Variants in CREB5 observed in about 807,000 individuals in gnomAD.
The protein encoded by CREB5 is cAMP responsive element binding protein 5.
Under a neutral mutation model 57.1 loss-of-function variants are expected in CREB5, and 19 were observed. That is an observed-to-expected ratio of 0.33 (90% CI 0.23 to 0.49). The LOEUF (loss-of-function observed/expected upper bound fraction) is 0.49. Among genes scored for constraint, CREB5 ranks in the 20% least tolerant of loss-of-function variants. The pLI is 0.99. For synonymous variants in CREB5, 238 were observed against 238.3 expected (o/e 1.00, Z 0.01); for missense variants, 579 against 671.6 (o/e 0.86, Z 1.52).
chr7:28,682,608 G>C (rs1448863866), intron 5 of CREB5, among the ~76,000 whole-genome samples: 1 of 150,214 alleles, frequency 6.7e-6, no homozygotes, highest in Non-Finnish European at 1.5e-5. Flanking sequence ...GAAATCTTGG[G>C]TTAAATTTTA....
chr7:28,495,011 T>C lies in CREB5; in HGVS notation c.169+12T>C. On this transcript the variant is annotated intron_variant, in intron 3 of 10. Transcript: ENST00000357727. ...CAATATGTTATCAGGTAAGGAGCCA[T>C]CAGGAAAAGAAGCTTTGGGTGATCA... The C allele has an allele frequency of 1.3e-6, 2 of 1,573,942 alleles. No homozygotes were observed.
intron 5 of CREB5, among the ~76,000 whole-genome samples, chr7:28,696,615 A>T (rs752531355): frequency 6.6e-6 from 1 of 152,008 alleles, no homozygotes; most frequent in Non-Finnish European, 1.5e-5. Context: ...TAGTTTTTAA[A>T]TTTTTTTGAT....
Position 28,819,204 on chromosome 7 carries a change from G to A in CREB5, c.1452G>A (p.Ser484=), listed in dbSNP as rs749562958. The change falls in exon 11 of 11, where the codon TCG becomes TCA. Residue 484 remains serine, a synonymous_variant. Coordinates refer to ENST00000357727, the MANE Select transcript of CREB5 (RefSeq NM_182898.4). ...ATAATACCATCACTACTTCCTCATC[G>A]GTCAGCGAGGTGGTAGGAAGCTCCA... is the stretch of plus-strand genomic sequence containing the variant. The part of the protein sequence containing the change: ...IQHNTITTSS[S]VSEVVGSSTL... 2.6e-5 allele frequency: 42 copies of A among 1,613,688 alleles called. 1 individual carries two copies. The highest frequency in any genetic ancestry group is 8.9e-5 in the East Asian group (4 of 44,866).
At chr7:28,403,891 A>C (rs918714645) in intron 1 of CREB5, among the ~76,000 whole-genome samples, 1 of 152,216 alleles carries the variant, frequency 6.6e-6, no homozygotes, top group Non-Finnish European at 1.5e-5. Context: ...TGTCACTTTA[A>C]ATAGCAAAAA....
At chr7:28,642,951 T>TACAC (rs751628412) in intron 5 of CREB5, among the ~76,000 whole-genome samples, 3,509 of 89,188 alleles carry the variant, frequency 0.039, 116 homozygotes, top group East Asian at 0.1. Flanking sequence ...AGGGTAGATT[T>TACAC]ACACACACAC....
At chr7:28,609,876 G>T (rs1797318357) in intron 5 of CREB5, among the ~76,000 whole-genome samples, 1 of 152,246 alleles carries the variant, frequency 6.6e-6, no homozygotes, top group Non-Finnish European at 1.5e-5. Flanking sequence ...AAGGAGAAAA[G>T]GTTAGCTAGC....
chr7:28,489,091 C>T (rs1244679973), intron 2 of CREB5, among the ~76,000 whole-genome samples: 1 of 152,138 alleles, frequency 6.6e-6, no homozygotes, highest in African/African-American at 2.4e-5. Flanking sequence ...AATAACTACA[C>T]GTGGTTGCTG....
At chr7:28,615,773 CTCCTTG>C (rs1797574257) in intron 5 of CREB5, 1 of 152,362 alleles carries the variant, frequency 6.6e-6, no homozygotes, top group Non-Finnish European at 1.5e-5. Flanking sequence ...CCCAGAACCA[CTCCTTG>C]GCCTTGGCCT....
intron 5 of CREB5, among the ~76,000 whole-genome samples, chr7:28,714,415 T>TTTA (rs2128744588): frequency 6.6e-6 from 1 of 152,288 alleles, no homozygotes; most frequent in South Asian, 2.1e-4. Context: ...TAACAGATAG[T>TTTA]CCCAGTGTGC....
chr7:28,433,920 A>G (rs558629828), intron 1 of CREB5, among the ~76,000 whole-genome samples: 1 of 151,946 alleles, frequency 6.6e-6, no homozygotes, highest in African/African-American at 2.4e-5. Flanking sequence ...CCAGACTTCT[A>G]CTTATCTCAC....
intron 3 of CREB5, among the ~76,000 whole-genome samples, chr7:28,500,757 A>G (rs1352814717): frequency 1.3e-5 from 2 of 152,220 alleles, no homozygotes; most frequent in African/African-American, 4.8e-5. Context: ...TGGAGGGAAG[A>G]TGGCGTATCT....
At chr7:28,333,762 T>C (rs1785759498) in intron 1 of CREB5, among the ~76,000 whole-genome samples, 1 of 152,216 alleles carries the variant, frequency 6.6e-6, no homozygotes, top group Non-Finnish European at 1.5e-5. Context: ...CTCCATTGTG[T>C]ATATGTACCA....
Position 28,606,572 on chromosome 7 carries a change from C to T in CREB5, c.464+36035C>T, listed in dbSNP as rs77941852. Among the ~76,000 whole-genome samples the T allele has an allele frequency of 7.9e-3, 1,207 of 152,286 alleles. 18 individuals are homozygous for T. Among genetic ancestry groups the T allele is most frequent in the African/African-American group, 0.027 (1,119 of 41,550 alleles). ...CTCTGCCTCTCAGTTATAAAAGGCT[C>T]TTATCAGAACTGATTCCTACTTAGC... On this transcript the variant is annotated intron_variant, in intron 5 of 10. Transcript: ENST00000357727.
intron 5 of CREB5, among the ~76,000 whole-genome samples, chr7:28,657,738 A>AAAAAAAAAAT (rs1554281277): frequency 2.0e-4 from 28 of 139,872 alleles, no homozygotes; most frequent in Non-Finnish European, 3.4e-4. Flanking sequence ...AAAAAAAAAA[A>AAAAAAAAAAT]GAATAAAATT....
intron 1 of CREB5, among the ~76,000 whole-genome samples, chr7:28,429,903 C>T (rs892163412): frequency 4.6e-5 from 7 of 152,154 alleles, no homozygotes; most frequent in South Asian, 2.1e-4. Flanking sequence ...GCACCTCCTT[C>T]GCTGCCTCCA....
intron 1 of CREB5, among the ~76,000 whole-genome samples, chr7:28,397,336 G>A (rs1787358083): frequency 6.6e-6 from 1 of 152,132 alleles, no homozygotes; most frequent in Non-Finnish European, 1.5e-5. Flanking sequence ...ATTCCAGAAG[G>A]ATCTATTTGG....
chr7:28,499,738 C>T (rs1426561360), intron 3 of CREB5, among the ~76,000 whole-genome samples: 6 of 152,104 alleles, frequency 3.9e-5, no homozygotes, highest in East Asian at 1.9e-4. Context: ...CGTGCACCAC[C>T]ACACTCGGCT....
intron 1 of CREB5, among the ~76,000 whole-genome samples, chr7:28,389,525 C>G (rs1050561262): frequency 1.2e-4 from 18 of 152,104 alleles, no homozygotes; most frequent in Admixed American, 9.2e-4. Flanking sequence ...ATCTTGTCCT[C>G]AGATGGTGTT....
chr7:28,626,347 A>G (rs967793971), intron 5 of CREB5, among the ~76,000 whole-genome samples: 1 of 152,164 alleles, frequency 6.6e-6, no homozygotes, highest in African/African-American at 2.4e-5. Context: ...AATAGCACTA[A>G]TACTCATTGA....
Sources: gnomAD v4.1 joint callset for allele counts (sites outside exome capture counted in the v4.1 genomes callset) on GRCh38, gnomAD v4.1.1 for gene constraint, MANE v1.5 for transcripts, NCBI Gene and HGNC (gene_info 2026-07-23, HGNC 2026-07-21) for gene names.